Variants in GRIK2 observed in about 807,000 individuals in gnomAD.
GRIK2 encodes glutamate ionotropic receptor kainate type subunit 2, also known as glutamate receptor ionotropic, kainate 2.
GRIK2 carries 32 observed loss-of-function variants against 100.3 expected under a neutral mutation model. The observed-to-expected ratio is 0.32, with a 90% CI of 0.24 to 0.43. The LOEUF is 0.43. GRIK2 is among the 20% of genes least tolerant of loss of function. The probability of loss-of-function intolerance (pLI) is 1.00; values close to 1 mark genes in which losing one functional copy is unlikely to be tolerated. For synonymous variants in GRIK2, 417 were observed against 389.4 expected, an observed-to-expected ratio of 1.07 and a Z score of -0.83; for missense variants, 843 against 1,114.9, an observed-to-expected ratio of 0.76 and a Z score of 3.47.
chr6:101,868,645 C>T (rs1562451347), intron 11 of GRIK2, among the ~76,000 whole-genome samples: 1 of 150,866 alleles, frequency 6.6e-6, no homozygotes, highest in Non-Finnish European at 1.5e-5. Context: ...AAAAGCCCCA[C>T]AAAACTTTAA....
intron 15 of GRIK2, among the ~76,000 whole-genome samples, chr6:102,050,278 G>T (rs2114486817): frequency 6.6e-6 from 1 of 152,108 alleles, no homozygotes; most frequent in East Asian, 1.9e-4. Context: ...AAAAAAGGGG[G>T]AAGGGAAAGA....
Position 101,409,661 on chromosome 6 carries a change from T to C in GRIK2, c.115+10269T>C, listed in dbSNP as rs1039747148. Among the ~76,000 whole-genome samples the C allele has an allele frequency of 7.9e-5, 12 of 152,056 alleles. 1 individual carries two copies. The highest frequency in any genetic ancestry group is 3.9e-4 in the Admixed American group (6 of 15,250). ...AAATTAGGAAAAATAAGTAAATCTT[T>C]CTGGCCCTTGACTTTCCTGTCTGAA... On this transcript the variant is annotated intron_variant, in intron 2 of 16. Transcript: ENST00000369134.
chr6:101,637,872 C>G lies in GRIK2; in HGVS notation c.541+11235C>G, dbSNP rs747500144. ...GCTGTCTCAATCTCTTTGCTGTGCA[C>G]AAGTTGTCCTCTCTGCCTGATGTGT... On this transcript the variant is annotated intron_variant, in intron 4 of 16. Transcript: ENST00000369134. Among the ~76,000 whole-genome samples the G allele has an allele frequency of 3.8e-4, 58 of 152,114 alleles. 1 individual carries two copies. The highest frequency in any genetic ancestry group is 6.5e-4 in the Non-Finnish European group (44 of 68,032).
chr6:102,009,182 G>A (rs1291752334), intron 14 of GRIK2, among the ~76,000 whole-genome samples: 1 of 151,828 alleles, frequency 6.6e-6, no homozygotes, highest in African/African-American at 2.4e-5. Flanking sequence ...ATAATTGTCA[G>A]GTACAACTAA....
intron 6 of GRIK2, among the ~76,000 whole-genome samples, chr6:101,685,043 T>C (rs993026832): frequency 6.6e-6 from 1 of 152,132 alleles, no homozygotes; most frequent in African/African-American, 2.4e-5. Context: ...GGGGGTAGCA[T>C]GTTCTGAGCC....
At chr6:101,641,649 A>G (rs920430986) in intron 4 of GRIK2, among the ~76,000 whole-genome samples, 1 of 152,016 alleles carries the variant, frequency 6.6e-6, no homozygotes, top group Non-Finnish European at 1.5e-5. Flanking sequence ...AACAACTGCT[A>G]TATATTAGGA....
chr6:101,771,425 T>C (rs1778394971), intron 7 of GRIK2, among the ~76,000 whole-genome samples: 1 of 151,972 alleles, frequency 6.6e-6, no homozygotes, highest in Non-Finnish European at 1.5e-5. Flanking sequence ...ATGTAAGAAA[T>C]AAAGCGGTTA....
intron 14 of GRIK2, among the ~76,000 whole-genome samples, chr6:101,960,296 T>G (rs1252923940): frequency 6.6e-6 from 1 of 152,030 alleles, no homozygotes; most frequent in East Asian, 1.9e-4. Flanking sequence ...TTAAGCTTCC[T>G]CACAATCTAT....
intron 2 of GRIK2, among the ~76,000 whole-genome samples, chr6:101,569,601 A>G (rs998678106): frequency 2.0e-5 from 3 of 152,088 alleles, no homozygotes; most frequent in Non-Finnish European, 2.9e-5. Flanking sequence ...TCTAATTTTT[A>G]TACATTTTTA....
At chr6:101,777,939 G>A (rs1209976504) in intron 7 of GRIK2, among the ~76,000 whole-genome samples, 2 of 152,152 alleles carry the variant, frequency 1.3e-5, no homozygotes, top group Non-Finnish European at 2.9e-5. Context: ...CTGTACCTCT[G>A]GGGGGTAATA....
chr6:101,747,962 A>G (rs1316226627), intron 7 of GRIK2, among the ~76,000 whole-genome samples: 1 of 152,168 alleles, frequency 6.6e-6, no homozygotes, highest in Non-Finnish European at 1.5e-5. Context: ...AGGATTTCAA[A>G]TAGTGCCAAA....
chr6:101,650,434 CT>C (rs932637295), intron 4 of GRIK2, among the ~76,000 whole-genome samples: 1 of 152,080 alleles, frequency 6.6e-6, no homozygotes, highest in Non-Finnish European at 1.5e-5. Context: ...CCAAATTCCC[CT>C]GTCAAAGAAT....
At chr6:101,817,782 C>A (rs1781723804) in intron 9 of GRIK2, among the ~76,000 whole-genome samples, 1 of 152,152 alleles carries the variant, frequency 6.6e-6, no homozygotes, top group Admixed American at 6.5e-5. Flanking sequence ...ATGTGTTATT[C>A]AGATCAGATT....
At chr6:102,037,218 C>T (rs1256268898) in intron 15 of GRIK2, among the ~76,000 whole-genome samples, 1 of 150,732 alleles carries the variant, frequency 6.6e-6, no homozygotes, top group East Asian at 2.0e-4. Flanking sequence ...TGAAAAAAAA[C>T]AAACGAGTTC....
chr6:102,022,528 A>G (rs1201171845), intron 14 of GRIK2, among the ~76,000 whole-genome samples: 4 of 151,814 alleles, frequency 2.6e-5, no homozygotes, highest in Non-Finnish European at 4.4e-5. Flanking sequence ...GCATGTCTCT[A>G]AAAACAAACA....
chr6:101,569,787 A>G (rs777185258), intron 2 of GRIK2, among the ~76,000 whole-genome samples: 1 of 152,092 alleles, frequency 6.6e-6, no homozygotes, highest in Non-Finnish European at 1.5e-5. Flanking sequence ...GGAAGGAATG[A>G]TTGTAATAAG....
At chr6:101,591,585 GAC>G (rs1327337534) in intron 2 of GRIK2, among the ~76,000 whole-genome samples, 1 of 151,668 alleles carries the variant, frequency 6.6e-6, no homozygotes, top group African/African-American at 2.4e-5. Flanking sequence ...AATGTTTTAA[GAC>G]TGATTTTGAT....
chr6:101,940,858 A>T (rs1373303987), intron 14 of GRIK2, among the ~76,000 whole-genome samples: 1 of 152,188 alleles, frequency 6.6e-6, no homozygotes, highest in Non-Finnish European at 1.5e-5. Flanking sequence ...AAAATATGAA[A>T]TTTCAATTAT....
intron 2 of GRIK2, among the ~76,000 whole-genome samples, chr6:101,481,690 G>A (rs1562168787): frequency 6.6e-6 from 1 of 152,050 alleles, no homozygotes; most frequent in African/African-American, 2.4e-5. Context: ...AACCTAAGAA[G>A]TATTTTAAAT....
Sources: allele counts gnomAD v4.1 joint callset (sites outside exome capture counted in the v4.1 genomes callset), GRCh38; gene constraint gnomAD v4.1.1; transcripts MANE v1.5; gene names NCBI Gene and HGNC (gene_info 2026-07-23, HGNC 2026-07-21).